The following TNIK variants were observed in gnomAD, a reference collection of about 807,000 sequenced individuals.
TNIK encodes TRAF2 and NCK-interacting protein kinase.
In TNIK, 49 loss-of-function variants were observed where a neutral mutation model predicts 191.3. The ratio of observed to expected loss-of-function variants is 0.26; its 90% CI spans 0.20 to 0.32. The LOEUF is 0.32. TNIK is among the 10% of genes least tolerant of loss of function. The pLI, the probability that TNIK is intolerant of heterozygous loss-of-function variation, is 1.00. For synonymous variants in TNIK, 594 were observed against 600.9 expected (o/e 0.99, Z 0.17); for missense variants, 1,155 against 1,702.3 (o/e 0.68, Z 5.66).
At chr3:171,441,617 C>T (rs9845714) in intron 1 of TNIK, among the ~76,000 whole-genome samples, 10,112 of 152,172 alleles carry the variant, frequency 0.066, 1,023 homozygotes, top group African/African-American at 0.22. Context: ...CTCATGAACA[C>T]TCCTGTACAA....
At chr3:171,447,766 A>AT (rs1438685623) in intron 1 of TNIK, among the ~76,000 whole-genome samples, 1 of 152,250 alleles carries the variant, frequency 6.6e-6, no homozygotes. Context: ...GGAAACAGAG[A>AT]TGCACACAAA....
intron 1 of TNIK, among the ~76,000 whole-genome samples, chr3:171,393,863 C>T (rs553243800): frequency 1.2e-4 from 18 of 152,178 alleles, no homozygotes; most frequent in South Asian, 6.2e-4. Flanking sequence ...TTCTTTTGAC[C>T]GATATTTATT....
chr3:171,300,826 A>G (rs1277739975), intron 2 of TNIK, among the ~76,000 whole-genome samples: 1 of 152,088 alleles, frequency 6.6e-6, no homozygotes, highest in African/African-American at 2.4e-5. Flanking sequence ...TGTCTGTTCA[A>G]TTGGTTCCTT....
At chr3:171,066,447 C>G in intron 31 of TNIK, 121 bp from the exon 32 acceptor site, 1 of 1,526,128 alleles carries the variant, frequency 6.6e-7, no homozygotes. Flanking sequence ...CAAAGCAAGT[C>G]TTACAAGAGT....
At chr3:171,181,811 A>G (rs1736682347) in intron 7 of TNIK, among the ~76,000 whole-genome samples, 1 of 152,230 alleles carries the variant, frequency 6.6e-6, no homozygotes, top group African/African-American at 2.4e-5. Flanking sequence ...GCCTACCTCT[A>G]GATTTCTGGT....
At chr3:171,164,201 C>T (rs1423953109) in intron 10 of TNIK, among the ~76,000 whole-genome samples, 1 of 152,170 alleles carries the variant, frequency 6.6e-6, no homozygotes, top group African/African-American at 2.4e-5. Context: ...AGAGAACAAA[C>T]ACATTAAAAA....
chr3:171,434,241 T>C (rs1055932759), intron 1 of TNIK, among the ~76,000 whole-genome samples: 2 of 151,962 alleles, frequency 1.3e-5, no homozygotes, highest in African/African-American at 4.8e-5. Context: ...TGGCCAAGGG[T>C]ATCTTTTTTC....
intron 2 of TNIK, among the ~76,000 whole-genome samples, chr3:171,354,344 G>C (rs1483032143): frequency 6.6e-6 from 1 of 152,130 alleles, no homozygotes; most frequent in East Asian, 1.9e-4. Context: ...ACTGCCCACA[G>C]ACTCACACTG....
intron 2 of TNIK, among the ~76,000 whole-genome samples, chr3:171,330,568 G>T (rs1304070926): frequency 1.3e-5 from 2 of 152,146 alleles, no homozygotes; most frequent in African/African-American, 4.8e-5. Context: ...GTAGGGGGTT[G>T]TTTTGCCCTA....
At chr3:171,224,495 G>C (rs1742745626) in intron 3 of TNIK, among the ~76,000 whole-genome samples, 1 of 151,860 alleles carries the variant, frequency 6.6e-6, no homozygotes, top group Non-Finnish European at 1.5e-5. Flanking sequence ...AAAAACCATA[G>C]CTCCTTCACA....
At chr3:171,441,757 T>C (rs1726841078) in intron 1 of TNIK, among the ~76,000 whole-genome samples, 1 of 152,212 alleles carries the variant, frequency 6.6e-6, no homozygotes, top group African/African-American at 2.4e-5. Flanking sequence ...AGTTATTTCA[T>C]AGACCCACCG....
chr3:171,200,395 G>A (rs1739262361), intron 4 of TNIK, among the ~76,000 whole-genome samples: 1 of 152,150 alleles, frequency 6.6e-6, no homozygotes, highest in Non-Finnish European at 1.5e-5. Flanking sequence ...TTAGACATGG[G>A]TAATTATTAC....
chr3:171,397,462 A>ATT, intron 1 of TNIK, among the ~76,000 whole-genome samples: 1 of 152,226 alleles, frequency 6.6e-6, no homozygotes, highest in South Asian at 2.1e-4. Context: ...GTAGACTAGG[A>ATT]GGACCTAGGA....
chr3:171,140,347 G>A (rs1237144302), intron 13 of TNIK, 52 bp downstream of exon 13: 2 of 1,429,432 alleles, frequency 1.4e-6, no homozygotes, highest in Admixed American at 2.3e-5. Flanking sequence ...AGAGAAGGCT[G>A]GTGCTGGGGT....
At position 171,099,035 on chromosome 3, in the gene TNIK, C is replaced by T. The variant is rs147230790; in HGVS notation, c.2591+2414G>A. Among the ~76,000 whole-genome samples the T allele has an allele frequency of 1.6e-3, 251 of 152,236 alleles. 1 individual carries two copies. The highest frequency in any genetic ancestry group is 5.7e-3 in the African/African-American group (238 of 41,540). ...CTAAAGTTTACCAATCCCTTAAGAA[C>T]CATGTCAAGTCTTGCCTCCACCATC... On this transcript the variant is annotated intron_variant, in intron 22 of 32. Coordinates refer to ENST00000436636, the MANE Select transcript of TNIK (RefSeq NM_015028.4).
At chr3:171,238,087 G>A (rs1316755695) in intron 2 of TNIK, among the ~76,000 whole-genome samples, 1 of 152,172 alleles carries the variant, frequency 6.6e-6, no homozygotes, top group Non-Finnish European at 1.5e-5. Context: ...TGTCAGCACA[G>A]ACTGCATTTG....
At chr3:171,264,111 C>CACATAT (rs1257639293) in intron 2 of TNIK, among the ~76,000 whole-genome samples, 113 of 61,000 alleles carry the variant, frequency 1.9e-3, no homozygotes, top group South Asian at 7.7e-3. Context: ...CACACACACA[C>CACATAT]ATATATATAT....
At chr3:171,265,415 G>A (rs948103866) in intron 2 of TNIK, among the ~76,000 whole-genome samples, 23 of 151,896 alleles carry the variant, frequency 1.5e-4, no homozygotes, top group Admixed American at 1.3e-3. Flanking sequence ...AAGAGCCACA[G>A]GCTAGAAGAG....
chr3:171,428,943 T>C lies in TNIK; in HGVS notation c.57+31064A>G, dbSNP rs552071068. On this transcript the variant is annotated intron_variant, in intron 1 of 32. Transcript: ENST00000436636. ...CACTGCCAAGACCTTACACTCATAG[T>C]CTTTATGACTGTTTATAGGGTCTCT... 5.3e-5 allele frequency among the ~76,000 whole-genome samples: 8 copies of C among 152,336 alleles called. No homozygotes were observed. In the South Asian group the frequency reaches 1.2e-3, roughly 24 times the overall value.
Sources: allele counts gnomAD v4.1 joint callset (sites outside exome capture counted in the v4.1 genomes callset), GRCh38; gene constraint gnomAD v4.1.1; transcripts MANE v1.5; gene names NCBI Gene and HGNC (gene_info 2026-07-23, HGNC 2026-07-21).